The following LITAF variants were observed in gnomAD, a reference collection of about 807,000 sequenced individuals.
LITAF encodes lipopolysaccharide induced TNF factor, also known as lipopolysaccharide-induced tumor necrosis factor-alpha factor.
Under a neutral mutation model 14.5 loss-of-function variants are expected in LITAF, and 9 were observed. That is an observed-to-expected ratio of 0.62 (90% CI 0.37 to 1.08). The LOEUF is 1.08. Ranked by LOEUF, LITAF falls within the 50% of genes least tolerant of loss-of-function variation. LITAF has a pLI of 0.01. For synonymous variants in LITAF, 98 were observed against 88.2 expected (o/e 1.11, Z -0.62); for missense variants, 206 against 213.4 (o/e 0.97, Z 0.22).
chr16:11,574,056 T>C (rs1173775532), intron 1 of LITAF, among the ~76,000 whole-genome samples: 1 of 150,942 alleles, frequency 6.6e-6, no homozygotes, highest in East Asian at 1.9e-4. Flanking sequence ...CACTGGGTTT[T>C]TTAAAGACAG....
intron 3 of LITAF, among the ~76,000 whole-genome samples, chr16:11,620,095 G>A (rs1027453912): frequency 6.6e-6 from 1 of 150,752 alleles, no homozygotes; most frequent in Non-Finnish European, 1.5e-5. Flanking sequence ...TGGAACCTGG[G>A]AGGCAGAGGC....
At chr16:11,564,299 T>C (rs569714108) in intron 1 of LITAF, among the ~76,000 whole-genome samples, 2 of 152,166 alleles carry the variant, frequency 1.3e-5, no homozygotes, top group African/African-American at 4.8e-5. Context: ...TGCCCTTAAC[T>C]GATATTAATG....
At chr16:11,601,936 T>C (rs555817196), upstream of LITAF, among the ~76,000 whole-genome samples, 3 of 152,320 alleles carry the variant, frequency 2.0e-5, no homozygotes, top group East Asian at 3.9e-4. Context: ...AGATGGGATG[T>C]TCTTGCTCCT....
chr16:11,599,123 T>C (rs2141861858), upstream of LITAF, among the ~76,000 whole-genome samples: 1 of 147,010 alleles, frequency 6.8e-6, no homozygotes, highest in South Asian at 2.2e-4. Flanking sequence ...CCAAGCCTTT[T>C]ATGGGGGGGT....
In LITAF at chr16:11,605,763, C is replaced by T. The variant is rs12934296; in HGVS notation, c.85+27770G>A. ...CCTGGGCAACAGAGTGAGACCCTGTCTCTAAGAGAAAGAGAAGCAAGAGAG... is the reference window on the plus strand; with the variant it reads ...CCTGGGCAACAGAGTGAGACCCTGTTTCTAAGAGAAAGAGAAGCAAGAGAG... On this transcript the variant is annotated intron_variant, in intron 3 of 3. Transcript: ENST00000574848. The surrounding 1 kb of genome is among the most constrained non-coding windows in gnomAD (Gnocchi z 4.7). Among the ~76,000 whole-genome samples the T allele has an allele frequency of 0.37, 56,871 of 151,924 alleles. 11,510 individuals carry two copies. The highest frequency in any genetic ancestry group is 0.49 in the Middle Eastern group (145 of 294).
chr16:11,632,524 A>T lies in LITAF; in HGVS notation c.85+1009T>A, dbSNP rs28493885. ...AGCTCAGAACTAACAGCTACCCCTG[A>T]CTCTGCGGGCCCAGAGCAGATCACT... On this transcript the variant is annotated intron_variant, in intron 3 of 3. Transcript: ENST00000574848. This position sits in a 1 kb window ranked among gnomAD's most constrained non-coding sequence, Gnocchi z 4.8. Among the ~76,000 whole-genome samples the T allele has an allele frequency of 0.026, 3,992 of 152,186 alleles. 193 individuals carry two copies. Among genetic ancestry groups the T allele is most frequent in the African/African-American group, 0.091 (3,775 of 41,514 alleles).
chr16:11,574,002 T>C (rs918338641), intron 1 of LITAF, among the ~76,000 whole-genome samples: 1 of 125,562 alleles, frequency 8.0e-6, no homozygotes, highest in Non-Finnish European at 1.7e-5. Flanking sequence ...GTGCCCGGCG[T>C]TTTTTTGGTT....
upstream of LITAF, among the ~76,000 whole-genome samples, chr16:11,587,949 T>G (rs892689768): frequency 9.2e-5 from 14 of 152,044 alleles, no homozygotes; most frequent in African/African-American, 3.4e-4. Flanking sequence ...CTTAGAACCC[T>G]CCGGTGCCCA....
chr16:11,616,188 A>G (rs1416733140), intron 3 of LITAF, among the ~76,000 whole-genome samples: 1 of 152,150 alleles, frequency 6.6e-6, no homozygotes, highest in Non-Finnish European at 1.5e-5. Context: ...ATAAACTGGA[A>G]TAGTGCTGGA....
rs1469955249 is a variant in LITAF, at chr16:11,549,140, G to T, written c.*497C>A. 2.2e-6 allele frequency: 1 copy of T among 454,014 alleles called. No individual in the cohort carries two copies. The highest frequency in any genetic ancestry group is 2.4e-5 in the Admixed American group (1 of 42,550). The allele number at this position is 454,014 out of a possible 1,614,324, so 28.1% of individuals were successfully genotyped here. ...TCTCAAAGCCAAGCCTGTAAAGTCT[G>T]TAAGGCAAGATCTTTGTCATCAGGG... On this transcript the variant is annotated 3_prime_UTR_variant, in exon 4 of 4. Transcript: ENST00000622633. The surrounding 1 kb of genome is among the most constrained non-coding windows in gnomAD (Gnocchi z 4.6).
chr16:11,565,055 G>A (rs929551508), intron 1 of LITAF, among the ~76,000 whole-genome samples: 1 of 148,872 alleles, frequency 6.7e-6, no homozygotes, highest in African/African-American at 2.5e-5. Flanking sequence ...TCAGGCTGGA[G>A]TACAGAACTT....
chr16:11,560,653 T>C (rs55747517), intron 1 of LITAF, among the ~76,000 whole-genome samples: 55,597 of 151,570 alleles, frequency 0.37, 10,657 homozygotes, highest in African/African-American at 0.41. Flanking sequence ...GCTCCTAATA[T>C]ACAGCAAAGC....
chr16:11,563,158 T>C (rs1399789829), intron 1 of LITAF, among the ~76,000 whole-genome samples: 1 of 151,670 alleles, frequency 6.6e-6, no homozygotes, highest in East Asian at 1.9e-4. Flanking sequence ...AATAATAATT[T>C]TTTTTTTTGA....
intron 1 of LITAF, among the ~76,000 whole-genome samples, chr16:11,559,827 T>G (rs1319596413): frequency 1.3e-5 from 2 of 148,154 alleles, no homozygotes; most frequent in Non-Finnish European, 3.0e-5. Flanking sequence ...AGACACTGTC[T>G]CTACAAAAAA....
chr16:11,548,204 T>A lies in LITAF; in HGVS notation c.*1433A>T, dbSNP rs541416009. The stretch of plus-strand genomic sequence containing the variant: ...TTATTTCTACATAGTAGTATTCACA[T>A]GAGTTCCCTATTCTGAAGTATTATC... On this transcript the variant is annotated 3_prime_UTR_variant, in exon 4 of 4. Transcript: ENST00000622633. 1 of 454,114 alleles carries A rather than the reference T, an allele frequency of 2.2e-6. No individual in the cohort carries two copies. The highest frequency in any genetic ancestry group is 1.6e-5 in the South Asian group (1 of 64,480). The allele number at this position is 454,114 out of a possible 1,614,324, so 28.1% of individuals were successfully genotyped here.
At chr16:11,638,119 T>C (rs569313638), upstream of LITAF, among the ~76,000 whole-genome samples, 226 of 143,210 alleles carry the variant, frequency 1.6e-3, 47 homozygotes, top group Middle Eastern at 0.018. Context: ...TCTATCTATA[T>C]AGATAGATAG....
intron 1 of LITAF, among the ~76,000 whole-genome samples, chr16:11,567,118 G>A (rs544287819): frequency 1.2e-4 from 19 of 152,198 alleles, no homozygotes; most frequent in African/African-American, 4.6e-4. Context: ...GATCAAGTCG[G>A]GATAAAACAT....
chr16:11,599,680 G>A (rs735951), upstream of LITAF, among the ~76,000 whole-genome samples: 68,520 of 151,770 alleles, frequency 0.45, 15,606 homozygotes, highest in East Asian at 0.54. Flanking sequence ...GAACTCTAGA[G>A]CCCTGTGTTA....
At chr16:11,557,105 A>C (rs2064285976) in intron 1 of LITAF, among the ~76,000 whole-genome samples, 1 of 145,968 alleles carries the variant, frequency 6.9e-6, no homozygotes, top group Non-Finnish European at 1.5e-5. Context: ...TTGGTTTTTA[A>C]ACCACTGTGG....
Sources: gnomAD v4.1 joint callset for allele counts (sites outside exome capture counted in the v4.1 genomes callset) on GRCh38, gnomAD v4.1.1 for gene constraint, Gnocchi (gnomAD v3.1) non-coding constraint, MANE v1.5 for transcripts, NCBI Gene and HGNC (gene_info 2026-07-23, HGNC 2026-07-21) for gene names.